PRKAG2: variants seen among roughly 807,000 people sequenced by gnomAD.
The protein encoded by PRKAG2 is 5'-AMP-activated protein kinase subunit gamma-2.
PRKAG2 carries 26 observed loss-of-function variants against 69.6 expected under a neutral mutation model. The ratio of observed to expected loss-of-function variants is 0.37; its 90% confidence interval spans 0.27 to 0.52. The LOEUF is 0.52. Among genes scored for constraint, PRKAG2 ranks in the 20% least tolerant of loss-of-function variants. The probability of loss-of-function intolerance (pLI) is 0.90; values close to 1 mark genes in which losing one functional copy is unlikely to be tolerated. For synonymous variants in PRKAG2, 293 were observed against 285.0 expected, an observed-to-expected ratio of 1.03 and a Z score of -0.28; for missense variants, 557 against 740.0, an observed-to-expected ratio of 0.75 and a Z score of 2.87.
intron 4 of PRKAG2, among the ~76,000 whole-genome samples, chr7:151,643,884 T>C (rs75319230): frequency 0.044 from 6,637 of 152,318 alleles, 452 homozygotes; most frequent in African/African-American, 0.15. Flanking sequence ...AATTATACGA[T>C]GGAATACTAT....
chr7:151,639,108 C>T (rs898530786), intron 4 of PRKAG2, among the ~76,000 whole-genome samples: 1 of 152,144 alleles, frequency 6.6e-6, no homozygotes, highest in African/African-American at 2.4e-5. Flanking sequence ...CAGCCCAGCC[C>T]TCTCCTGAGC....
At chr7:151,861,661 G>A (rs752835594) in intron 1 of PRKAG2, among the ~76,000 whole-genome samples, 7 of 152,076 alleles carry the variant, frequency 4.6e-5, no homozygotes, top group African/African-American at 9.7e-5. Flanking sequence ...TCCCATGGGC[G>A]GCTTGTTAGG....
intron 3 of PRKAG2, among the ~76,000 whole-genome samples, chr7:151,776,480 C>G (rs1241708870): frequency 2.6e-5 from 4 of 152,236 alleles, no homozygotes; most frequent in Non-Finnish European, 4.4e-5. Context: ...AGCCAGGAGT[C>G]AGGCCTGTCT....
At position 151,788,628 on chromosome 7, in the gene PRKAG2, G is replaced by A. The variant is rs2077127006; in HGVS notation, c.115-2087C>T. Among the ~76,000 whole-genome samples the A allele has an allele frequency of 6.6e-6, 1 of 152,144 alleles. No individual in the cohort carries two copies. The highest frequency in any genetic ancestry group is 2.4e-5 in the African/African-American group (1 of 41,424). On this transcript the variant is annotated intron_variant, in intron 1 of 15. Transcript: ENST00000287878. The surrounding 1 kb of genome is among the most constrained non-coding windows in gnomAD (Gnocchi z 4.6). ...ATTCTGTGGGTTGCCTTTTTACTCT[G>A]CTGTGTCCTTTGATGTACAGAAGTC... is the stretch of plus-strand genomic sequence containing the variant.
intron 6 of PRKAG2, among the ~76,000 whole-genome samples, chr7:151,581,897 G>C (rs1172153405): frequency 6.6e-6 from 1 of 152,218 alleles, no homozygotes; most frequent in African/African-American, 2.4e-5. Context: ...AAATGCTGCA[G>C]ATACTGTTTA....
At chr7:151,582,522 T>C (rs1346586409) in intron 6 of PRKAG2, among the ~76,000 whole-genome samples, 3 of 152,144 alleles carry the variant, frequency 2.0e-5, no homozygotes, top group Non-Finnish European at 4.4e-5. Context: ...ACGTTAAGAA[T>C]TTAACGTGCA....
At position 151,675,575 on chromosome 7, in the gene PRKAG2, G is replaced by A. The variant is rs1832787847; in HGVS notation, c.529C>T (p.Leu177=). 1 of 1,614,066 alleles carries A rather than the reference G, an allele frequency of 6.2e-7. No homozygotes were observed. Among genetic ancestry groups the A allele is most frequent in the Admixed American group, 1.7e-5 (1 of 60,012 alleles). The change falls in exon 4 of 16, where the codon CTG becomes TTG. Residue 177 remains leucine (L), a synonymous_variant. Coordinates refer to ENST00000287878, the MANE Select transcript of PRKAG2 (RefSeq NM_016203.4). The stretch of plus-strand genomic sequence containing the variant: ...TCAGGCTCGTGCTTATAGGATTCCA[G>A]GGGAAACGTGTGCTGCTTGGTCACT... ...TQVTKQHTFP[L]ESYKHEPERL... is the part of the protein sequence containing the mutation.
At chr7:151,810,050 T>G (rs1485389800) in intron 1 of PRKAG2, 1 of 152,194 alleles carries the variant, frequency 6.6e-6, no homozygotes, top group Non-Finnish European at 1.5e-5. Flanking sequence ...TCATGTGCAT[T>G]CTCCTTACAT....
rs1055019050 is a variant in PRKAG2, at chr7:151,736,250, C to T, written c.466+44902G>A. ...GTGGAGCCGTCCTGACGGGGCTGCA[C>T]CTCCGGCCACAGCAGCTGGAGCGTC... On this transcript the variant is annotated intron_variant, in intron 3 of 15. Coordinates refer to ENST00000287878, the MANE Select transcript of PRKAG2 (RefSeq NM_016203.4). 2.6e-5 allele frequency: 35 copies of T among 1,337,378 alleles called. No individual in the cohort carries two copies. In the East Asian group the frequency reaches 8.9e-4, roughly 34 times the overall value. 82.8% of individuals were successfully genotyped at this position (1,337,378 alleles called of 1,614,324 possible).
chr7:151,617,085 C>A (rs560527059), intron 5 of PRKAG2, among the ~76,000 whole-genome samples: 1 of 151,872 alleles, frequency 6.6e-6, no homozygotes, highest in Non-Finnish European at 1.5e-5. Context: ...CGTGGAGAAA[C>A]CCTGTCTCTA....
At chr7:151,762,853 G>A (rs1185363503) in intron 3 of PRKAG2, among the ~76,000 whole-genome samples, 2 of 152,188 alleles carry the variant, frequency 1.3e-5, no homozygotes, top group Admixed American at 6.5e-5. Context: ...TGCCCACAGC[G>A]CGGCTCCCTG....
intron 1 of PRKAG2, among the ~76,000 whole-genome samples, chr7:151,853,952 A>C (rs2079642961): frequency 6.6e-6 from 1 of 151,902 alleles, no homozygotes; most frequent in Non-Finnish European, 1.5e-5. Context: ...AAAACCAAAA[A>C]CAAATAGAAT....
At chr7:151,557,347 G>T in intron 15 of PRKAG2, 115 bp from the exon 16 acceptor site, 4 of 1,608,156 alleles carry the variant, frequency 2.5e-6, no homozygotes, top group Non-Finnish European at 2.5e-6. Context: ...CAGAGGCTTC[G>T]GAGGAGGGCG....
chr7:151,675,401 C>T lies in PRKAG2; in HGVS notation c.684+19G>A. On this transcript the variant is annotated intron_variant, in intron 4 of 15. Coordinates refer to ENST00000287878, the MANE Select transcript of PRKAG2 (RefSeq NM_016203.4). ...CTCTGCCACCCGGCAGCCCCACCCA[C>T]AGAAGGGCCCAGACTTACGGCTTTG... 1 of 1,610,390 alleles carries T rather than the reference C, an allele frequency of 6.2e-7. No homozygotes were observed. Among genetic ancestry groups the T allele is most frequent in the Non-Finnish European group, 8.5e-7 (1 of 1,176,772 alleles).
intron 4 of PRKAG2, among the ~76,000 whole-genome samples, chr7:151,633,693 A>C (rs1188557379): frequency 6.6e-6 from 1 of 152,172 alleles, no homozygotes; most frequent in Non-Finnish European, 1.5e-5. Flanking sequence ...GCATAAACTC[A>C]AGAAACCATG....
In PRKAG2 at chr7:151,562,903, C is replaced by T. The variant is rs188279683; in HGVS notation, c.1584+1175G>A. 7.2e-3 allele frequency among the ~76,000 whole-genome samples: 1,072 copies of T among 149,370 alleles called. 16 individuals are homozygous for T. Among genetic ancestry groups the T allele is most frequent in the African/African-American group, 0.024 (989 of 40,388 alleles). On this transcript the variant is annotated intron_variant, in intron 14 of 15. Coordinates refer to ENST00000287878, the MANE Select transcript of PRKAG2 (RefSeq NM_016203.4). ...CTGGGAGGCGGAGCTTGCAGTGAGC[C>T]GAGATCACGCCACTGCACTCCAGCC...
chr7:151,819,493 G>C (rs2078719203), intron 1 of PRKAG2, among the ~76,000 whole-genome samples: 1 of 152,190 alleles, frequency 6.6e-6, no homozygotes, highest in Non-Finnish European at 1.5e-5. Context: ...GAGTGGCTGT[G>C]CTGAGATTAG....
chr7:151,712,394 T>C (rs4725424), intron 3 of PRKAG2, among the ~76,000 whole-genome samples: 46,867 of 152,088 alleles, frequency 0.31, 8,009 homozygotes, highest in East Asian at 0.7. Context: ...CTCCACTCCC[T>C]GGCAGTGACT....
intron 14 of PRKAG2, 101 bp downstream of exon 14, chr7:151,563,977 G>T: frequency 6.5e-7 from 1 of 1,543,386 alleles, no homozygotes; most frequent in Non-Finnish European, 8.9e-7. Context: ...AGGCTGCCTC[G>T]CTGGGCCCTT....
Sources: gnomAD v4.1 joint callset for allele counts (sites outside exome capture counted in the v4.1 genomes callset) on GRCh38, gnomAD v4.1.1 for gene constraint, Gnocchi (gnomAD v3.1) non-coding constraint, MANE v1.5 for transcripts, NCBI Gene and HGNC (gene_info 2026-07-23, HGNC 2026-07-21) for gene names.